Variants in SFMBT2 observed in about 807,000 individuals in gnomAD.
SFMBT2 encodes Scm like with four mbt domains 2.
In SFMBT2, 38 loss-of-function variants were observed where a neutral mutation model predicts 110.1. The observed-to-expected ratio is 0.35, with a 90% CI of 0.27 to 0.45. The LOEUF (loss-of-function observed/expected upper bound fraction) is 0.45. Among genes scored for constraint, SFMBT2 ranks in the 20% least tolerant of loss-of-function variants. The pLI, the probability that SFMBT2 is intolerant of heterozygous loss-of-function variation, is 1.00. For synonymous variants in SFMBT2, 425 were observed against 425.4 expected, an observed-to-expected ratio of 1.00 and a Z score of 0.01; for missense variants, 1,011 against 1,094.9, an observed-to-expected ratio of 0.92 and a Z score of 1.08.
Position 7,160,386 on chromosome 10 carries a change from G to C in SFMBT2, c.*3384C>G, listed in dbSNP as rs76015122. On this transcript the variant is annotated 3_prime_UTR_variant, in exon 21 of 21. Transcript: ENST00000397167. The stretch of plus-strand genomic sequence containing the variant: ...CCATGAGTTTAGGGTGAGACTGAGC[G>C]ATGGGCTGTCATGATTCAAGTTGAG... 1.3e-5 allele frequency: 2 copies of C among 152,184 alleles called. No homozygotes were observed. Among genetic ancestry groups the C allele is most frequent in the African/African-American group, 4.8e-5 (2 of 41,414 alleles). The allele number at this position is 152,184 out of a possible 1,614,324, so 9.4% of individuals were successfully genotyped here.
intron 9 of SFMBT2, among the ~76,000 whole-genome samples, chr10:7,231,654 G>C (rs1473185240): frequency 6.6e-6 from 1 of 152,132 alleles, no homozygotes; most frequent in Non-Finnish European, 1.5e-5. Context: ...ATAATTTCTA[G>C]ATAAAATCAA....
chr10:7,336,982 T>C (rs530829288), intron 4 of SFMBT2, among the ~76,000 whole-genome samples: 1 of 152,326 alleles, frequency 6.6e-6, no homozygotes, highest in Admixed American at 6.5e-5. Flanking sequence ...CAGTATCAAC[T>C]GTTGGAGTAC....
chr10:7,194,946 T>C (rs1197559475), intron 15 of SFMBT2, among the ~76,000 whole-genome samples: 1 of 152,218 alleles, frequency 6.6e-6, no homozygotes, highest in Non-Finnish European at 1.5e-5. Flanking sequence ...ATCTTGTGTG[T>C]TAACAGAGCT....
chr10:7,176,192 G>T, intron 16 of SFMBT2, 27 bp from the exon 17 acceptor site: 1 of 1,611,546 alleles, frequency 6.2e-7, no homozygotes. Flanking sequence ...GAAGAAAAGC[G>T]AGGGCAAGAC....
intron 1 of SFMBT2, among the ~76,000 whole-genome samples, chr10:7,382,546 G>A (rs930316454): frequency 1.3e-5 from 2 of 152,016 alleles, no homozygotes; most frequent in African/African-American, 4.8e-5. Flanking sequence ...CATATTTCAC[G>A]AACAGAAACT....
chr10:7,289,896 T>C (rs1208699168), intron 4 of SFMBT2, among the ~76,000 whole-genome samples: 1 of 152,226 alleles, frequency 6.6e-6, no homozygotes, highest in Non-Finnish European at 1.5e-5. Context: ...TGGAAGCTAA[T>C]TGGCATTGCT....
At position 7,283,943 on chromosome 10, in the gene SFMBT2, A is replaced by C; in HGVS notation, c.733T>G (p.Trp245Gly). 4.4e-6 allele frequency: 7 copies of C among 1,605,796 alleles called. No homozygotes were observed. The highest frequency in any genetic ancestry group is 6.0e-6 in the Non-Finnish European group (7 of 1,172,378). ...YLDYRLRPVG[W>G]CQENKYRMDP... ...ATTCTGTATTTATTCTCTTGACACC[A>C]ACCAACTGGTCGAAGTCTGTAATCC... Residue 245 changes from tryptophan to glycine, a missense_variant, in exon 6 of 21, where the codon TGG becomes GGG. This residue lies in a region of SFMBT2 where 979 missense variants were observed against 1,016.1 expected (regional missense o/e 0.96). Transcript: ENST00000397167.
chr10:7,390,120 C>G (rs1174895299), intron 1 of SFMBT2, among the ~76,000 whole-genome samples: 1 of 152,110 alleles, frequency 6.6e-6, no homozygotes, highest in Non-Finnish European at 1.5e-5. Context: ...AACCACTAGC[C>G]ACACGTTGGC....
intron 3 of SFMBT2, among the ~76,000 whole-genome samples, chr10:7,370,063 G>A (rs1156417513): frequency 6.6e-6 from 1 of 152,136 alleles, no homozygotes; most frequent in Non-Finnish European, 1.5e-5. Context: ...ATTTAGCCAT[G>A]TTTCCCAGGC....
chr10:7,182,407 A>T (rs1838269919), intron 16 of SFMBT2, among the ~76,000 whole-genome samples: 1 of 152,192 alleles, frequency 6.6e-6, no homozygotes, highest in Non-Finnish European at 1.5e-5. Context: ...TCCAAGAAAG[A>T]CTTACAAACA....
At chr10:7,251,272 G>A (rs546901877) in intron 7 of SFMBT2, among the ~76,000 whole-genome samples, 74 of 151,886 alleles carry the variant, frequency 4.9e-4, no homozygotes, top group African/African-American at 1.5e-3. Context: ...TCAGGAGTTC[G>A]AGACCAGCCT....
intron 4 of SFMBT2, among the ~76,000 whole-genome samples, chr10:7,342,149 C>A (rs1270496151): frequency 6.6e-6 from 1 of 150,826 alleles, no homozygotes; most frequent in Non-Finnish European, 1.5e-5. Flanking sequence ...AGTGAAACAA[C>A]CCAAATACCA....
At chr10:7,168,219 A>G (rs1324553901) in intron 20 of SFMBT2, among the ~76,000 whole-genome samples, 1 of 152,230 alleles carries the variant, frequency 6.6e-6, no homozygotes, top group Non-Finnish European at 1.5e-5. Context: ...TCAATACTTT[A>G]GGCTTTTCCC....
chr10:7,205,463 G>GAAA, intron 12 of SFMBT2: 1 of 985,150 alleles, frequency 1.0e-6, no homozygotes, highest in South Asian at 4.7e-5. Context: ...AGCTACATGA[G>GAAA]AAAAATCAGT....
chr10:7,372,230 T>C (rs186057939), intron 2 of SFMBT2, among the ~76,000 whole-genome samples: 185 of 152,306 alleles, frequency 1.2e-3, no homozygotes, highest in African/African-American at 4.3e-3. Context: ...CTTGAAATTT[T>C]TGAATTATAA....
At chr10:7,379,636 T>A (rs1845367313) in intron 2 of SFMBT2, among the ~76,000 whole-genome samples, 3 of 152,028 alleles carry the variant, frequency 2.0e-5, no homozygotes. Context: ...ATTAGCCACA[T>A]GGGGGTGGAG....
intron 4 of SFMBT2, among the ~76,000 whole-genome samples, chr10:7,309,524 C>T (rs528674258): frequency 2.0e-3 from 302 of 152,322 alleles, no homozygotes; most frequent in Non-Finnish European, 3.7e-3. Context: ...TAGAAGATAG[C>T]TGGCACATGG....
At chr10:7,305,972 T>C (rs1157196827) in intron 4 of SFMBT2, among the ~76,000 whole-genome samples, 7 of 152,260 alleles carry the variant, frequency 4.6e-5, no homozygotes, top group Non-Finnish European at 7.3e-5. Flanking sequence ...TAGCCTTCAG[T>C]GTTACACATA....
At chr10:7,381,731 G>C in intron 2 of SFMBT2, 68 bp downstream of exon 2, 1 of 1,526,630 alleles carries the variant, frequency 6.6e-7, no homozygotes, top group Non-Finnish European at 9.0e-7. Context: ...ATTGTTTCCT[G>C]AATACTTTCA....
Sources: allele counts gnomAD v4.1 joint callset (sites outside exome capture counted in the v4.1 genomes callset), GRCh38; gene constraint gnomAD v4.1.1; regional missense constraint gnomAD v4.1.1; transcripts MANE v1.5; gene names NCBI Gene and HGNC (gene_info 2026-07-23, HGNC 2026-07-21).